The following SAMD5 variants were observed in gnomAD, a reference collection of about 807,000 sequenced individuals.
SAMD5 encodes sterile alpha motif domain containing 5.
SAMD5 carries 13 observed loss-of-function variants against 11.3 expected under a neutral mutation model. That is an observed-to-expected ratio of 1.15 (90% CI 0.75 to 1.83). The LOEUF (loss-of-function observed/expected upper bound fraction) is 1.83, where lower values mean the gene tolerates loss of function less well. SAMD5 is among the 40% of genes most tolerant of loss of function. The probability of loss-of-function intolerance (pLI) is 0.00; values close to 1 mark genes in which losing one functional copy is unlikely to be tolerated. For missense variants in SAMD5, 255 were observed against 239.1 expected (o/e 1.07, Z -0.44); for synonymous variants, 129 against 111.3 (o/e 1.16, Z -1.00).
the SAMD5 span, among the ~76,000 whole-genome samples, chr6:147,926,588 G>A: frequency 6.6e-6 from 1 of 151,984 alleles, no homozygotes; most frequent in Non-Finnish European, 1.5e-5. Context: ...TTTGTCAGAT[G>A]TATGGTTTGA....
intron 1 of SAMD5, among the ~76,000 whole-genome samples, chr6:147,691,101 T>G (rs551627234): frequency 4.6e-5 from 7 of 152,136 alleles, no homozygotes; most frequent in Non-Finnish European, 1.0e-4. Flanking sequence ...TTCAAGCCAT[T>G]CTCCTGCCTC....
At chr6:147,917,606 G>T in the SAMD5 span, among the ~76,000 whole-genome samples, 1 of 151,968 alleles carries the variant, frequency 6.6e-6, no homozygotes, top group Non-Finnish European at 1.5e-5. Flanking sequence ...CATTGCTTTT[G>T]GTGTTTTAGA....
At chr6:147,745,264 G>T in the SAMD5 span, among the ~76,000 whole-genome samples, 7 of 152,108 alleles carry the variant, frequency 4.6e-5, no homozygotes, top group African/African-American at 1.7e-4. Context: ...GAAGCTGGGA[G>T]ATGGGTATGT....
At chr6:147,757,244 A>G in the SAMD5 span, among the ~76,000 whole-genome samples, 1 of 152,190 alleles carries the variant, frequency 6.6e-6, no homozygotes, top group Non-Finnish European at 1.5e-5. Context: ...ATATAAAGTT[A>G]AATGTAATCA....
chr6:147,519,044 T>C (rs536775140), intron 1 of SAMD5, among the ~76,000 whole-genome samples: 1 of 152,340 alleles, frequency 6.6e-6, no homozygotes, highest in East Asian at 1.9e-4. Context: ...TGATGCTCTC[T>C]AAAATCTTAC....
At chr6:147,811,859 T>C in the SAMD5 span, among the ~76,000 whole-genome samples, 1 of 152,306 alleles carries the variant, frequency 6.6e-6, no homozygotes, top group Admixed American at 6.5e-5. Context: ...AGAGATGCCA[T>C]CTGTTTGGGG....
the SAMD5 span, among the ~76,000 whole-genome samples, chr6:147,765,209 C>CTT: frequency 2.0e-5 from 3 of 151,772 alleles, no homozygotes; most frequent in African/African-American, 4.8e-5. Context: ...ATTTTCTTGT[C>CTT]TTTTTTTTGT....
At chr6:147,646,869 G>A (rs2128452953) in intron 1 of SAMD5, among the ~76,000 whole-genome samples, 1 of 151,760 alleles carries the variant, frequency 6.6e-6, no homozygotes, top group Non-Finnish European at 1.5e-5. Context: ...CAGGCGTGGT[G>A]GCTCATGCCT....
the SAMD5 span, among the ~76,000 whole-genome samples, chr6:147,925,573 C>A: frequency 1.3e-5 from 2 of 150,518 alleles, no homozygotes; most frequent in Non-Finnish European, 2.9e-5. Context: ...AAATTCTCTT[C>A]TGAAATTTTA....
chr6:147,531,888 A>T (rs566550091), intron 1 of SAMD5, among the ~76,000 whole-genome samples: 41 of 152,330 alleles, frequency 2.7e-4, no homozygotes, highest in African/African-American at 9.6e-4. Flanking sequence ...AAACAGTTTT[A>T]AAAAGGAGGA....
the SAMD5 span, among the ~76,000 whole-genome samples, chr6:147,869,165 T>C: frequency 2.0e-5 from 3 of 152,222 alleles, no homozygotes; most frequent in South Asian, 2.1e-4. Flanking sequence ...AAGAATAATA[T>C]GTGAATCAGT....
At chr6:147,861,104 A>G in the SAMD5 span, among the ~76,000 whole-genome samples, 3 of 151,912 alleles carry the variant, frequency 2.0e-5, no homozygotes, top group African/African-American at 7.3e-5. Context: ...TCCAGCTCCA[A>G]TGGTTAGCAG....
At chr6:147,780,451 G>A in the SAMD5 span, among the ~76,000 whole-genome samples, 15 of 152,044 alleles carry the variant, frequency 9.9e-5, no homozygotes, top group South Asian at 4.1e-4. Context: ...CAGGTGATCC[G>A]CCCATCTTGG....
At chr6:147,847,531 C>T in the SAMD5 span, among the ~76,000 whole-genome samples, 14 of 152,258 alleles carry the variant, frequency 9.2e-5, no homozygotes, top group South Asian at 2.7e-3. Flanking sequence ...TTAAAACTCT[C>T]CTTGCAAGAA....
the SAMD5 span, among the ~76,000 whole-genome samples, chr6:147,909,543 CTG>C: frequency 6.7e-6 from 1 of 148,980 alleles, no homozygotes; most frequent in Non-Finnish European, 1.5e-5. Flanking sequence ...TACTGGCAAA[CTG>C]TGACCATCCA....
chr6:147,541,277 A>T (rs2128442043), intron 1 of SAMD5, among the ~76,000 whole-genome samples: 1 of 151,940 alleles, frequency 6.6e-6, no homozygotes, highest in East Asian at 1.9e-4. Flanking sequence ...AGAGACAATC[A>T]CCCTTTCCTG....
At chr6:147,515,982 C>T (rs1018088814) in intron 1 of SAMD5, among the ~76,000 whole-genome samples, 1 of 152,140 alleles carries the variant, frequency 6.6e-6, no homozygotes. Context: ...AGACCTCTCT[C>T]TGCAGCATGG....
chr6:147,751,495 T>C, the SAMD5 span, among the ~76,000 whole-genome samples: 6 of 152,170 alleles, frequency 3.9e-5, no homozygotes, highest in Non-Finnish European at 7.4e-5. Flanking sequence ...ACAGATTCAC[T>C]AAGAGTTTAC....
intron 1 of SAMD5, among the ~76,000 whole-genome samples, chr6:147,669,852 C>G (rs1311630238): frequency 6.6e-6 from 1 of 152,128 alleles, no homozygotes; most frequent in African/African-American, 2.4e-5. Context: ...CTTCCAAACT[C>G]TTGTTTATGT....
Sources: allele counts gnomAD v4.1 joint callset (sites outside exome capture counted in the v4.1 genomes callset), GRCh38; gene constraint gnomAD v4.1.1; transcripts MANE v1.5; gene names NCBI Gene and HGNC (gene_info 2026-07-23, HGNC 2026-07-21).